NALF1: variants seen among roughly 807,000 people sequenced by gnomAD.
NALF1 encodes family with sequence similarity 155 member A.
Under a neutral mutation model 48.4 loss-of-function variants are expected in NALF1, and 3 were observed. The observed-to-expected ratio is 0.06, with a 90% confidence interval of 0.03 to 0.16. The LOEUF is 0.16. Ranked by LOEUF, NALF1 falls within the 10% of genes least tolerant of loss-of-function variation. The probability of loss-of-function intolerance (pLI) is 1.00; values close to 1 mark genes in which losing one functional copy is unlikely to be tolerated. For missense variants in NALF1, 526 were observed against 571.5 expected (o/e 0.92, Z 0.81); for synonymous variants, 262 against 245.7 (o/e 1.07, Z -0.62).
chr13:107,834,625 G>A (rs1879837263), intron 1 of NALF1, among the ~76,000 whole-genome samples: 1 of 152,060 alleles, frequency 6.6e-6, no homozygotes, highest in East Asian at 1.9e-4. Flanking sequence ...TTTGCCTGGA[G>A]AAAAATTTAC....
intron 1 of NALF1, among the ~76,000 whole-genome samples, chr13:107,510,581 T>C (rs1417019633): frequency 6.6e-6 from 1 of 152,172 alleles, no homozygotes; most frequent in Non-Finnish European, 1.5e-5. Context: ...CTTACTATAA[T>C]CCTGCAACAT....
chr13:107,598,792 C>T (rs971969749), intron 1 of NALF1, among the ~76,000 whole-genome samples: 2 of 152,088 alleles, frequency 1.3e-5, no homozygotes, highest in Non-Finnish European at 2.9e-5. Flanking sequence ...TAAAAGGCCA[C>T]CTTACCTGAG....
intron 1 of NALF1, among the ~76,000 whole-genome samples, chr13:107,509,355 T>C (rs1875806150): frequency 6.6e-6 from 1 of 152,196 alleles, no homozygotes; most frequent in African/African-American, 2.4e-5. Context: ...ATATTAATTA[T>C]AAAGCATATT....
At chr13:107,386,269 A>C (rs947702209) in intron 1 of NALF1, among the ~76,000 whole-genome samples, 5 of 152,198 alleles carry the variant, frequency 3.3e-5, no homozygotes, top group Non-Finnish European at 5.9e-5. Flanking sequence ...TATTCACAAA[A>C]TAAAGTGTCT....
intron 1 of NALF1, among the ~76,000 whole-genome samples, chr13:107,335,862 T>C (rs1211249685): frequency 6.6e-6 from 1 of 152,236 alleles, no homozygotes; most frequent in Non-Finnish European, 1.5e-5. Flanking sequence ...TACTCAGAAA[T>C]ATAACTTCTA....
chr13:107,536,081 AT>A (rs1876798314), intron 1 of NALF1, among the ~76,000 whole-genome samples: 1 of 152,220 alleles, frequency 6.6e-6, no homozygotes, highest in Non-Finnish European at 1.5e-5. Flanking sequence ...TGAATTCAAG[AT>A]GGATTAAAGA....
At chr13:107,271,084 ATTC>A (rs964288936) in intron 1 of NALF1, among the ~76,000 whole-genome samples, 1 of 152,140 alleles carries the variant, frequency 6.6e-6, no homozygotes, top group Non-Finnish European at 1.5e-5. Context: ...AAATAATAAT[ATTC>A]TTCTTCATTT....
At chr13:107,308,659 C>A (rs1881988160) in intron 1 of NALF1, among the ~76,000 whole-genome samples, 1 of 152,054 alleles carries the variant, frequency 6.6e-6, no homozygotes, top group Admixed American at 6.5e-5. Flanking sequence ...AGGCGTGAAA[C>A]AATAATTTGG....
chr13:107,816,799 A>C (rs1566493470), intron 1 of NALF1, among the ~76,000 whole-genome samples: 1 of 152,188 alleles, frequency 6.6e-6, no homozygotes, highest in African/African-American at 2.4e-5. Context: ...TTTTCTTTTC[A>C]TGCGGAGTGT....
rs115697047 is a variant in NALF1, at chr13:107,414,399, G to T, written c.916-203644C>A. ...TCAAATGTATATCTAGGTATTTTAT[G>T]AGGAATTCTTATAGTTTTCAAATGG... is the stretch of plus-strand genomic sequence containing the variant. On this transcript the variant is annotated intron_variant, in intron 1 of 2. Coordinates refer to ENST00000375915, the MANE Select transcript of NALF1 (RefSeq NM_001080396.3). Among the ~76,000 whole-genome samples the T allele has an allele frequency of 4.4e-3, 662 of 150,918 alleles. 4 individuals are homozygous for T. Among genetic ancestry groups the T allele is most frequent in the African/African-American group, 0.015 (637 of 41,262 alleles).
At chr13:107,176,028 C>T (rs1431929063) in intron 2 of NALF1, among the ~76,000 whole-genome samples, 1 of 152,152 alleles carries the variant, frequency 6.6e-6, no homozygotes, top group Non-Finnish European at 1.5e-5. Flanking sequence ...AAACCACCTG[C>T]ACACAACCTG....
intron 1 of NALF1, among the ~76,000 whole-genome samples, chr13:107,864,404 G>A (rs1024760445): frequency 6.6e-6 from 1 of 152,134 alleles, no homozygotes; most frequent in Non-Finnish European, 1.5e-5. Context: ...TTTAAAATAG[G>A]CATCCCTTAG....
chr13:107,680,272 T>C (rs1283250508), intron 1 of NALF1, among the ~76,000 whole-genome samples: 1 of 152,188 alleles, frequency 6.6e-6, no homozygotes, highest in Admixed American at 6.5e-5. Flanking sequence ...CAACCATGAC[T>C]GTGATGACAC....
At chr13:107,185,709 A>T (rs570970242) in intron 2 of NALF1, among the ~76,000 whole-genome samples, 1 of 152,104 alleles carries the variant, frequency 6.6e-6, no homozygotes, top group Non-Finnish European at 1.5e-5. Context: ...ATATTTATTT[A>T]TTTTTTTAAA....
At chr13:107,516,190 T>A (rs1410083975) in intron 1 of NALF1, among the ~76,000 whole-genome samples, 3 of 152,124 alleles carry the variant, frequency 2.0e-5, no homozygotes, top group East Asian at 3.9e-4. Flanking sequence ...AATAAAGAGT[T>A]CTCATCCAGC....
chr13:107,244,834 G>T (rs1880547676), intron 1 of NALF1, among the ~76,000 whole-genome samples: 1 of 152,084 alleles, frequency 6.6e-6, no homozygotes, highest in African/African-American at 2.4e-5. Context: ...CTCAATATTT[G>T]CCTACTAATT....
At chr13:107,344,277 A>G (rs1482148367) in intron 1 of NALF1, among the ~76,000 whole-genome samples, 1 of 152,158 alleles carries the variant, frequency 6.6e-6, no homozygotes, top group East Asian at 1.9e-4. Flanking sequence ...ATAATTGCCA[A>G]TCCTTCTCAA....
chr13:107,633,108 A>G (rs1158260898), intron 1 of NALF1, among the ~76,000 whole-genome samples: 9 of 152,110 alleles, frequency 5.9e-5, no homozygotes, highest in African/African-American at 7.2e-5. Flanking sequence ...GTCTTTGTTT[A>G]TAAGAGAAAG....
intron 1 of NALF1, among the ~76,000 whole-genome samples, chr13:107,465,441 T>C (rs1423510317): frequency 1.3e-5 from 2 of 152,148 alleles, no homozygotes; most frequent in Non-Finnish European, 2.9e-5. Flanking sequence ...GTTTTACCTA[T>C]CTTAGCACCT....
Sources: allele counts gnomAD v4.1 joint callset (sites outside exome capture counted in the v4.1 genomes callset), GRCh38; gene constraint gnomAD v4.1.1; transcripts MANE v1.5; gene names NCBI Gene and HGNC (gene_info 2026-07-23, HGNC 2026-07-21).